Variants in ZNF704 observed in about 807,000 individuals in gnomAD.
ZNF704 encodes the protein zinc finger protein 704, also known as glucocorticoid induced gene 1.
In ZNF704, 10 loss-of-function variants were observed where a neutral mutation model predicts 44.7. The observed-to-expected ratio is 0.22, with a 90% confidence interval of 0.14 to 0.38. ZNF704 has a LOEUF of 0.38. ZNF704 is among the 10% of genes least tolerant of loss of function. ZNF704 has a pLI of 1.00. For synonymous variants in ZNF704, 211 were observed against 207.6 expected, an observed-to-expected ratio of 1.02 and a Z score of -0.14; for missense variants, 390 against 545.5, an observed-to-expected ratio of 0.71 and a Z score of 2.84.
chr8:80,757,669 C>T (rs1279243035), intron 2 of ZNF704, among the ~76,000 whole-genome samples: 1 of 152,146 alleles, frequency 6.6e-6, no homozygotes, highest in Non-Finnish European at 1.5e-5. Context: ...CCTGCAAGCT[C>T]CACTCATGGT....
At chr8:80,709,003 T>C (rs1314685226) in intron 2 of ZNF704, among the ~76,000 whole-genome samples, 8 of 152,224 alleles carry the variant, frequency 5.3e-5, no homozygotes, top group Non-Finnish European at 7.3e-5. Flanking sequence ...CTAAAAATTA[T>C]TATAAAAATA....
intron 2 of ZNF704, among the ~76,000 whole-genome samples, chr8:80,794,228 G>T (rs1431613480): frequency 6.6e-6 from 1 of 152,134 alleles, no homozygotes; most frequent in Non-Finnish European, 1.5e-5. Context: ...TTATTTTGGT[G>T]AATTTTGACT....
chr8:80,682,149 G>C (rs1818463918), intron 4 of ZNF704, among the ~76,000 whole-genome samples: 1 of 152,224 alleles, frequency 6.6e-6, no homozygotes, highest in African/African-American at 2.4e-5. Flanking sequence ...AGTCAGCAGA[G>C]AGACTGGCAA....
intron 1 of ZNF704, among the ~76,000 whole-genome samples, chr8:80,836,276 C>A (rs1401457631): frequency 6.6e-6 from 1 of 152,200 alleles, no homozygotes; most frequent in East Asian, 1.9e-4. Context: ...ACATGCCAGG[C>A]ATACCCCTGC....
chr8:80,689,518 T>C (rs1818596926), intron 3 of ZNF704, among the ~76,000 whole-genome samples: 1 of 152,192 alleles, frequency 6.6e-6, no homozygotes, highest in Admixed American at 6.5e-5. Flanking sequence ...CTCCATTTAG[T>C]ACAACAGGAG....
chr8:80,823,810 G>A (rs1340511460), intron 1 of ZNF704, among the ~76,000 whole-genome samples: 1 of 152,074 alleles, frequency 6.6e-6, no homozygotes, highest in Non-Finnish European at 1.5e-5. Flanking sequence ...AGGCAAACAG[G>A]GTCTGAAGTG....
intron 1 of ZNF704, among the ~76,000 whole-genome samples, chr8:80,841,274 G>C (rs1013421285): frequency 6.6e-6 from 1 of 152,208 alleles, no homozygotes; most frequent in African/African-American, 2.4e-5. Flanking sequence ...GTCACACACA[G>C]AATTCTAGCT....
chr8:80,781,658 C>A (rs1193202249), intron 2 of ZNF704, among the ~76,000 whole-genome samples: 2 of 152,132 alleles, frequency 1.3e-5, no homozygotes, highest in Non-Finnish European at 2.9e-5. Flanking sequence ...AGGAATACAC[C>A]AGGATAATCC....
rs1808757446 is a variant in ZNF704, at chr8:80,845,701, A to G, written c.-21-24086T>C. Among the ~76,000 whole-genome samples the G allele has an allele frequency of 2.0e-5, 3 of 152,294 alleles. No individual in the cohort carries two copies. In the South Asian group the frequency reaches 6.2e-4, roughly 32 times the overall value. The stretch of plus-strand genomic sequence containing the variant: ...ACAAGAGGCACACCCAAATACCCCC[A>G]AACAGAGGAAGAACACAAAATATCT... On this transcript the variant is annotated intron_variant, in intron 1 of 8. Transcript: ENST00000327835.
intron 7 of ZNF704, among the ~76,000 whole-genome samples, chr8:80,650,326 G>C (rs1038950404): frequency 2.0e-5 from 3 of 152,220 alleles, no homozygotes; most frequent in Admixed American, 6.5e-5. Flanking sequence ...AAATGACTTT[G>C]ACAAGTTGAG....
chr8:80,738,176 T>C (rs1443253581), intron 2 of ZNF704, among the ~76,000 whole-genome samples: 3 of 152,222 alleles, frequency 2.0e-5, no homozygotes, highest in Non-Finnish European at 4.4e-5. Flanking sequence ...ACATTCTCTC[T>C]GATCATGTTA....
the ZNF704 span, among the ~76,000 whole-genome samples, chr8:80,880,626 A>G: frequency 6.6e-6 from 1 of 152,202 alleles, no homozygotes; most frequent in Non-Finnish European, 1.5e-5. Context: ...ATGTTTATGG[A>G]GCTAGTAGGG....
chr8:80,720,058 G>C (rs527532422), intron 2 of ZNF704, among the ~76,000 whole-genome samples: 2 of 152,306 alleles, frequency 1.3e-5, no homozygotes, highest in South Asian at 2.1e-4. Flanking sequence ...GGCAAAGCCA[G>C]GATTTAAATT....
chr8:80,832,851 AT>A (rs1463197169), intron 1 of ZNF704, among the ~76,000 whole-genome samples: 2 of 152,190 alleles, frequency 1.3e-5, no homozygotes, highest in African/African-American at 4.8e-5. Context: ...TCTATTTCAG[AT>A]TATTCCCCTC....
intron 6 of ZNF704, among the ~76,000 whole-genome samples, chr8:80,663,567 T>A (rs760085378): frequency 3.3e-5 from 5 of 152,024 alleles, no homozygotes; most frequent in Admixed American, 6.6e-5. Context: ...GAATTTTCAT[T>A]TCTAACAAGT....
chr8:80,671,459 C>T (rs1818276952), intron 4 of ZNF704, among the ~76,000 whole-genome samples: 1 of 152,184 alleles, frequency 6.6e-6, no homozygotes, highest in Non-Finnish European at 1.5e-5. Flanking sequence ...GTACCTGTTT[C>T]ACAGCATTAT....
chr8:80,705,547 C>CTGTG (rs1253093752), intron 2 of ZNF704, among the ~76,000 whole-genome samples: 1 of 150,600 alleles, frequency 6.6e-6, no homozygotes, highest in Non-Finnish European at 1.5e-5. Flanking sequence ...GGTTGGTGTC[C>CTGTG]TGTGTGTGTG....
chr8:80,644,578 C>A (rs1817797507), intron 7 of ZNF704, among the ~76,000 whole-genome samples: 2 of 152,098 alleles, frequency 1.3e-5, no homozygotes, highest in Admixed American at 6.5e-5. Context: ...ACATACAACA[C>A]CCGGCAGGAA....
At chr8:80,796,801 G>A (rs1346349994) in intron 2 of ZNF704, among the ~76,000 whole-genome samples, 2 of 151,170 alleles carry the variant, frequency 1.3e-5, no homozygotes, top group Admixed American at 1.3e-4. Context: ...TTTGAGATCA[G>A]CCTGGATGAA....
Sources: allele counts gnomAD v4.1 joint callset (sites outside exome capture counted in the v4.1 genomes callset), GRCh38; gene constraint gnomAD v4.1.1; transcripts MANE v1.5; gene names NCBI Gene and HGNC (gene_info 2026-07-23, HGNC 2026-07-21).